DRC9: variants seen among roughly 807,000 people sequenced by gnomAD.
The protein encoded by DRC9 is dynein regulatory complex protein 9.
the DRC9 span, among the ~76,000 whole-genome samples, chr3:197,920,591 G>C: frequency 6.6e-6 from 1 of 152,104 alleles, no homozygotes; most frequent in South Asian, 2.1e-4. Context: ...GCTGGGCCTG[G>C]TGGCATGTGT....
the DRC9 span, among the ~76,000 whole-genome samples, chr3:197,918,296 GT>G: frequency 7.1e-6 from 1 of 139,880 alleles, no homozygotes; most frequent in Non-Finnish European, 1.5e-5. Context: ...TAGAGATGGG[GT>G]TTTGCCATGT....
the DRC9 span, among the ~76,000 whole-genome samples, chr3:197,932,837 T>C: frequency 7.7e-6 from 1 of 130,700 alleles, no homozygotes; most frequent in Non-Finnish European, 1.5e-5. Flanking sequence ...TATTTATATA[T>C]GTATTATATA....
the DRC9 span, among the ~76,000 whole-genome samples, chr3:197,906,168 G>A: frequency 6.6e-6 from 1 of 152,172 alleles, no homozygotes; most frequent in African/African-American, 2.4e-5. Flanking sequence ...GAGGGCGCTG[G>A]AGGCACACGA....
chr3:197,945,753 T>C, the DRC9 span: 12 of 675,064 alleles, frequency 1.8e-5, no homozygotes, highest in South Asian at 2.2e-4. Context: ...GTTATTTCTA[T>C]ACCATTTCAT....
At chr3:197,930,849 C>T in the DRC9 span, among the ~76,000 whole-genome samples, 13 of 151,074 alleles carry the variant, frequency 8.6e-5, no homozygotes, top group South Asian at 2.1e-4. Context: ...TCCTGGCCAA[C>T]GTGGTGAAAC....
the DRC9 span, chr3:197,951,579 C>G: frequency 2.2e-6 from 1 of 446,048 alleles, no homozygotes; most frequent in Non-Finnish European, 4.1e-6. Context: ...TCCCAAACTC[C>G]TGACCTTAGG....
At chr3:197,936,119 G>T in the DRC9 span, among the ~76,000 whole-genome samples, 4,222 of 151,544 alleles carry the variant, frequency 0.028, 179 homozygotes, top group African/African-American at 0.098. Context: ...AGCCAGGATT[G>T]TACCATTGTA....
chr3:197,923,556 C>G, the DRC9 span, among the ~76,000 whole-genome samples: 107 of 152,106 alleles, frequency 7.0e-4, no homozygotes, highest in African/African-American at 2.4e-3. Context: ...ATAGTGAAAC[C>G]CTGTCTGTAT....
the DRC9 span, chr3:197,912,598 A>C: frequency 5.7e-6 from 6 of 1,047,546 alleles, no homozygotes; most frequent in East Asian, 7.1e-5. Flanking sequence ...TTTTCCTTCA[A>C]AATATTCTTT....
At chr3:197,952,162 GTTTTTTTTTTTTTTTTTT>G in the DRC9 span, among the ~76,000 whole-genome samples, 3 of 83,888 alleles carry the variant, frequency 3.6e-5, no homozygotes, top group Admixed American at 4.1e-4. Context: ...AAAATTATGG[GTTTTTTTTTTTTTTTTTT>G]TTTTTTTTGG....
the DRC9 span, chr3:197,938,401 A>G: frequency 1.8e-5 from 12 of 652,224 alleles, no homozygotes; most frequent in Non-Finnish European, 3.0e-5. Context: ...GCCTCTAGGC[A>G]GTCTTTAGCT....
At chr3:197,915,942 C>A in the DRC9 span, among the ~76,000 whole-genome samples, 144 of 152,014 alleles carry the variant, frequency 9.5e-4, no homozygotes, top group Non-Finnish European at 1.4e-3. Context: ...AATTGCCTTT[C>A]GTCTTAACCA....
At chr3:197,941,244 G>T in the DRC9 span, among the ~76,000 whole-genome samples, 29 of 72,886 alleles carry the variant, frequency 4.0e-4, no homozygotes, top group African/African-American at 1.6e-3. Flanking sequence ...CCCTCTCCCT[G>T]CCCTCCCTTC....
the DRC9 span, among the ~76,000 whole-genome samples, chr3:197,924,893 G>A: frequency 6.6e-6 from 1 of 152,180 alleles, no homozygotes; most frequent in East Asian, 1.9e-4. Context: ...AACTGCTTAG[G>A]TTGTAGCCCC....
chr3:197,947,602 TCC>T, the DRC9 span, among the ~76,000 whole-genome samples: 2 of 152,148 alleles, frequency 1.3e-5, no homozygotes, highest in South Asian at 4.1e-4. Context: ...CCGTGTAAAG[TCC>T]CACTGACCCA....
the DRC9 span, among the ~76,000 whole-genome samples, chr3:197,918,488 A>C: frequency 0.15 from 22,667 of 151,980 alleles, 2,848 homozygotes; most frequent in African/African-American, 0.35. Context: ...TTTTACCTAT[A>C]TAATCCCTTA....
chr3:197,924,322 G>T, the DRC9 span, among the ~76,000 whole-genome samples: 9 of 152,192 alleles, frequency 5.9e-5, no homozygotes, highest in Non-Finnish European at 1.3e-4. Flanking sequence ...TTGTGCCATT[G>T]CACTCCAGCC....
chr3:197,897,479 C>T, the DRC9 span, among the ~76,000 whole-genome samples: 81 of 152,076 alleles, frequency 5.3e-4, no homozygotes, highest in Non-Finnish European at 3.1e-4. Context: ...GTTGTAATAA[C>T]ATATTTTAGA....
At chr3:197,934,181 G>GTTTTTTTTTT in the DRC9 span, among the ~76,000 whole-genome samples, 2 of 82,640 alleles carry the variant, frequency 2.4e-5, no homozygotes, top group Non-Finnish European at 2.1e-5. Context: ...TTCATTCTGG[G>GTTTTTTTTTT]TCTTTTTTTT....
Sources: gnomAD v4.1 joint callset for allele counts (sites outside exome capture counted in the v4.1 genomes callset) on GRCh38, gnomAD v4.1.1 for gene constraint, MANE v1.5 for transcripts, NCBI Gene and HGNC (gene_info 2026-07-23, HGNC 2026-07-21) for gene names.